AXIN1: variants seen among roughly 807,000 people sequenced by gnomAD.
AXIN1 encodes the protein axin 1, also known as axin-1.
In AXIN1, 30 loss-of-function variants were observed where a neutral mutation model predicts 76.4. The ratio of observed to expected loss-of-function variants is 0.39; its 90% CI spans 0.29 to 0.53. AXIN1 has a LOEUF of 0.53. Among genes scored for constraint, AXIN1 ranks in the 20% least tolerant of loss-of-function variants. AXIN1 has a pLI of 0.66. For missense variants in AXIN1, 1,140 were observed against 1,198.8 expected, an observed-to-expected ratio of 0.95 and a Z score of 0.72; for synonymous variants, 545 against 501.4, an observed-to-expected ratio of 1.09 and a Z score of -1.16.
Position 330,168 on chromosome 16 carries a change from C to T in AXIN1, c.879-15485G>A, listed in dbSNP as rs2053666015. Among the ~76,000 whole-genome samples the T allele has an allele frequency of 2.6e-5, 4 of 151,992 alleles. No homozygotes were observed. The South Asian group carries it at 8.3e-4, about 32-fold the overall frequency. ...CTCAACCTCCCGGTCTCAGGTGACC[C>T]ACCCATCTCAGCCTCCCTAGTGGCT... is the stretch of plus-strand genomic sequence containing the variant. On this transcript the variant is annotated intron_variant, in intron 2 of 10. Coordinates refer to ENST00000262320, the MANE Select transcript of AXIN1 (RefSeq NM_003502.4).
At chr16:295,643 A>C (rs2052691228) in intron 7 of AXIN1, among the ~76,000 whole-genome samples, 2 of 152,184 alleles carry the variant, frequency 1.3e-5, no homozygotes, top group Admixed American at 1.3e-4. Context: ...TGGGACATGC[A>C]ATATTTAGTA....
intron 2 of AXIN1, among the ~76,000 whole-genome samples, chr16:320,160 C>T (rs550947137): frequency 2.0e-5 from 3 of 152,246 alleles, no homozygotes; most frequent in East Asian, 3.9e-4. Flanking sequence ...TGGACTCCCA[C>T]CTTAGCTTCC....
chr16:297,936 G>A lies in AXIN1; in HGVS notation c.1570C>T (p.Leu524=), dbSNP rs867762824. The change falls in exon 6 of 11, where the codon CTG becomes TTG. Residue 524 remains leucine (L), a synonymous_variant. Transcript: ENST00000262320. ...TGGTGGTGCAGGCCGGCCGCGTCCA[G>A]CTTCGCCCCTGACTTGGGTACGTGC... ...GKHVPKSGAK[L]DAAGLHHHRH... is the part of the protein sequence containing the mutation. The A allele has an allele frequency of 1.0e-5, 16 of 1,601,726 alleles. 2 individuals carry two copies. In the Middle Eastern group the frequency reaches 2.6e-3, roughly 265 times the overall value.
intron 2 of AXIN1, among the ~76,000 whole-genome samples, chr16:315,902 A>C (rs1489049208): frequency 2.6e-5 from 4 of 151,662 alleles, no homozygotes; most frequent in African/African-American, 9.7e-5. Context: ...AAAATACAAA[A>C]ATTAGCTAGG....
rs570621599 is a variant in AXIN1, at chr16:341,412, C to T, written c.878+4736G>A. The stretch of plus-strand genomic sequence containing the variant: ...ATGAGGGGCTTAGCACCCGGGCCAG[C>T]GGCTGCGGAGGGTGTGCTGGGTCCC... On this transcript the variant is annotated intron_variant, in intron 2 of 10. Coordinates refer to ENST00000262320, the MANE Select transcript of AXIN1 (RefSeq NM_003502.4). 5.4e-3 allele frequency among the ~76,000 whole-genome samples: 817 copies of T among 152,382 alleles called. 7 individuals carry two copies. The highest frequency in any genetic ancestry group is 0.019 in the African/African-American group (777 of 41,598).
intron 2 of AXIN1, among the ~76,000 whole-genome samples, chr16:336,486 C>T (rs570756257): frequency 9.2e-5 from 14 of 152,206 alleles, no homozygotes; most frequent in South Asian, 4.1e-4. Flanking sequence ...TAGATGAGAA[C>T]GCAAACGTGG....
intron 2 of AXIN1, among the ~76,000 whole-genome samples, chr16:340,230 C>T (rs2141680944): frequency 6.6e-6 from 1 of 152,272 alleles, no homozygotes; most frequent in South Asian, 2.1e-4. Context: ...AACCAGCAGC[C>T]CAAGACAAGC....
At chr16:310,723 G>C (rs1222337837) in intron 3 of AXIN1, among the ~76,000 whole-genome samples, 2 of 152,296 alleles carry the variant, frequency 1.3e-5, no homozygotes, top group East Asian at 1.9e-4. Context: ...TTTTTAAAGG[G>C]TGGGGGAAGA....
At chr16:289,836 G>T in intron 9 of AXIN1, 1 of 611,814 alleles carries the variant, frequency 1.6e-6, no homozygotes, top group Non-Finnish European at 2.9e-6. Context: ...TCTCCCTGCT[G>T]CCTCACAGCC....
At chr16:348,494 G>A (rs2054077389) in intron 1 of AXIN1, among the ~76,000 whole-genome samples, 1 of 152,186 alleles carries the variant, frequency 6.6e-6, no homozygotes, top group Admixed American at 6.5e-5. Context: ...GCTGCTCACG[G>A]CTGGAAGCAC....
chr16:294,068 C>G (rs745928563), intron 7 of AXIN1, among the ~76,000 whole-genome samples: 1 of 152,036 alleles, frequency 6.6e-6, no homozygotes, highest in African/African-American at 2.4e-5. Context: ...GGCTGGGGCC[C>G]GAGAATGGCT....
intron 2 of AXIN1, among the ~76,000 whole-genome samples, chr16:322,280 C>T (rs1442660860): frequency 6.6e-5 from 10 of 152,208 alleles, no homozygotes; most frequent in Non-Finnish European, 1.5e-4. Flanking sequence ...ACATGGCGCA[C>T]ACCCCAGGCT....
chr16:303,992 C>T (rs1421101901), intron 5 of AXIN1, among the ~76,000 whole-genome samples: 1 of 152,194 alleles, frequency 6.6e-6, no homozygotes, highest in Non-Finnish European at 1.5e-5. Flanking sequence ...GCTGCAGTCT[C>T]AGCTTGTGGC....
intron 2 of AXIN1, among the ~76,000 whole-genome samples, chr16:342,465 G>A (rs2053947927): frequency 1.3e-5 from 2 of 152,168 alleles, no homozygotes; most frequent in Admixed American, 6.5e-5. Flanking sequence ...GCCCTGCTGT[G>A]GTAGCAATGC....
intron 2 of AXIN1, among the ~76,000 whole-genome samples, chr16:323,799 C>CACACAT (rs1428892889): frequency 6.6e-6 from 1 of 151,916 alleles, no homozygotes; most frequent in African/African-American, 2.4e-5. Context: ...CACACACACA[C>CACACAT]ACACCAACAA....
At chr16:325,079 G>GCA (rs1567291577) in intron 2 of AXIN1, among the ~76,000 whole-genome samples, 1 of 150,276 alleles carries the variant, frequency 6.7e-6, no homozygotes, top group African/African-American at 2.4e-5. Context: ...CCGCGGGCGC[G>GCA]CCCCAGGAAA....
chr16:324,648 C>T (rs938231932), intron 2 of AXIN1, among the ~76,000 whole-genome samples: 1 of 152,250 alleles, frequency 6.6e-6, no homozygotes, highest in African/African-American at 2.4e-5. Flanking sequence ...GACACACTTA[C>T]TTGATCCCTG....
chr16:298,909 C>T (rs1198690041), intron 5 of AXIN1: 1 of 199,318 alleles, frequency 5.0e-6, no homozygotes, highest in Admixed American at 6.5e-5. Context: ...GCTGAGACTA[C>T]AGGTGTGCGC....
At chr16:292,575 G>A (rs961871937) in intron 8 of AXIN1, 11 of 152,354 alleles carry the variant, frequency 7.2e-5, no homozygotes, top group African/African-American at 2.6e-4. Flanking sequence ...GTGACCCAAG[G>A]TGGACAGGAG....
Sources: gnomAD v4.1 joint callset for allele counts (sites outside exome capture counted in the v4.1 genomes callset) on GRCh38, gnomAD v4.1.1 for gene constraint, MANE v1.5 for transcripts, NCBI Gene and HGNC (gene_info 2026-07-23, HGNC 2026-07-21) for gene names.